Variants in PEX5L observed in about 807,000 individuals in gnomAD.
PEX5L encodes PEX5-related protein.
Under a neutral mutation model 84.0 loss-of-function variants are expected in PEX5L, and 30 were observed. The ratio of observed to expected loss-of-function variants is 0.36; its 90% confidence interval spans 0.27 to 0.48. PEX5L has a LOEUF of 0.48. PEX5L is among the 20% of genes least tolerant of loss of function. The pLI is 0.99. For synonymous variants in PEX5L, 270 were observed against 283.1 expected, an observed-to-expected ratio of 0.95 and a Z score of 0.46; for missense variants, 533 against 754.6, an observed-to-expected ratio of 0.71 and a Z score of 3.44.
rs773287592 is a variant in PEX5L, at chr3:179,898,211, G to C, written c.129C>G (p.Ala43=). Residue 43 remains alanine, a synonymous_variant, in exon 3 of 15, where the codon GCC becomes GCG. Transcript: ENST00000467460. ...KGSRAADKAV[A]MVMKEIPREE... is the part of the protein sequence containing the mutation. ...CCCTCGGTATCTCCTTCATCACCATGGCAACAGCCTTATCTGCCGCCCTAG... is the reference window on the plus strand; with the variant it reads ...CCCTCGGTATCTCCTTCATCACCATCGCAACAGCCTTATCTGCCGCCCTAG... The C allele has an allele frequency of 6.2e-7, 1 of 1,613,374 alleles. No homozygotes were observed. The highest frequency in any genetic ancestry group is 1.1e-5 in the South Asian group (1 of 91,058).
intron 8 of PEX5L, among the ~76,000 whole-genome samples, chr3:179,828,895 TCTG>T (rs1643948152): frequency 6.6e-6 from 1 of 152,176 alleles, no homozygotes; most frequent in South Asian, 2.1e-4. Flanking sequence ...CATCCTCACA[TCTG>T]CTGTGTGAAT....
At chr3:179,834,306 C>A (rs1366448715) in intron 8 of PEX5L, among the ~76,000 whole-genome samples, 2 of 152,234 alleles carry the variant, frequency 1.3e-5, no homozygotes, top group African/African-American at 4.8e-5. Context: ...TGAATTCCAC[C>A]CAGGTGCCTT....
In PEX5L at chr3:179,879,947, T is replaced by C; in HGVS notation, c.487A>G (p.Thr163Ala). 1 of 1,591,274 alleles carries C rather than the reference T, an allele frequency of 6.3e-7. No individual in the cohort carries two copies. The highest frequency in any genetic ancestry group is 2.2e-5 in the East Asian group (1 of 44,584). Residue 163 changes from threonine (T) to alanine (A), a missense_variant, in exon 5 of 15, where the codon ACT (threonine) becomes GCT (alanine). Physicochemically the swap from Thr to Ala is moderately conservative, Grantham distance 58 (BLOSUM62 0). This residue lies in a region of PEX5L where 259 missense variants were observed against 301.7 expected (regional missense o/e 0.86). Coordinates refer to ENST00000467460, the MANE Select transcript of PEX5L (RefSeq NM_016559.3). ...QRGQPLRVPETSSLDLDIQTQ... is the reference protein window; with the variant it reads ...QRGQPLRVPEASSLDLDIQTQ... ...GCCTTACCTAGATCTAAGGATGAAG[T>C]CTCCGGGACTCTGAGAGGCTGGCCT...
chr3:179,826,711 G>C (rs1175993384), intron 8 of PEX5L, among the ~76,000 whole-genome samples: 2 of 152,172 alleles, frequency 1.3e-5, no homozygotes, highest in Non-Finnish European at 2.9e-5. Context: ...AGGAGTGGGA[G>C]TCAGTTCCTG....
chr3:179,930,346 C>G (rs2109593569), intron 2 of PEX5L, among the ~76,000 whole-genome samples: 1 of 152,304 alleles, frequency 6.6e-6, no homozygotes, highest in East Asian at 1.9e-4. Flanking sequence ...AGTAGCTGCA[C>G]TCCTGTTATA....
intron 1 of PEX5L, among the ~76,000 whole-genome samples, chr3:179,993,666 A>AT (rs995847383): frequency 2.0e-5 from 3 of 151,308 alleles, no homozygotes; most frequent in Non-Finnish European, 2.9e-5. Context: ...CACCCGGCTA[A>AT]TTTTTTTTGT....
At chr3:179,887,969 A>T in intron 3 of PEX5L, 185 bp from the exon 4 acceptor site, 1 of 669,672 alleles carries the variant, frequency 1.5e-6, no homozygotes, top group Non-Finnish European at 2.6e-6. Context: ...GCCTTTTAGC[A>T]CTGTCAACAT....
At chr3:179,965,136 G>C (rs1486506478) in intron 2 of PEX5L, among the ~76,000 whole-genome samples, 1 of 152,216 alleles carries the variant, frequency 6.6e-6, no homozygotes, top group Non-Finnish European at 1.5e-5. Context: ...AAATGTGCTA[G>C]ACTAGAGTAT....
At chr3:179,815,129 T>G (rs879675804) in intron 10 of PEX5L, among the ~76,000 whole-genome samples, 1 of 152,258 alleles carries the variant, frequency 6.6e-6, no homozygotes, top group Non-Finnish European at 1.5e-5. Flanking sequence ...TGATATGTTT[T>G]CTCAGCTTTT....
chr3:180,007,340 AC>A (rs1300455225), intron 1 of PEX5L, among the ~76,000 whole-genome samples: 3 of 152,186 alleles, frequency 2.0e-5, no homozygotes, highest in Non-Finnish European at 4.4e-5. Context: ...GGGCAGCTCC[AC>A]CCCTGTGGCT....
chr3:180,006,743 C>T (rs192112193), intron 1 of PEX5L, among the ~76,000 whole-genome samples: 13 of 152,256 alleles, frequency 8.5e-5, no homozygotes, highest in East Asian at 1.9e-4. Flanking sequence ...GAAGCAAAAG[C>T]GGAAACCCCT....
chr3:179,811,514 A>G (rs1723857886), intron 11 of PEX5L, among the ~76,000 whole-genome samples: 1 of 152,200 alleles, frequency 6.6e-6, no homozygotes, highest in Non-Finnish European at 1.5e-5. Flanking sequence ...AAACGTTAAA[A>G]GGAACTATTT....
chr3:179,988,291 C>T (rs112877460), intron 1 of PEX5L, among the ~76,000 whole-genome samples: 83 of 151,968 alleles, frequency 5.5e-4, no homozygotes, highest in African/African-American at 1.7e-3. Flanking sequence ...ATCCCAGCTA[C>T]TCGGGAGGCT....
intron 3 of PEX5L, among the ~76,000 whole-genome samples, chr3:179,894,289 G>A (rs953726606): frequency 2.0e-5 from 3 of 151,990 alleles, no homozygotes; most frequent in African/African-American, 4.8e-5. Flanking sequence ...CCATGCAACC[G>A]CTAAAAATCC....
chr3:179,975,566 T>C (rs1369929297), intron 1 of PEX5L, among the ~76,000 whole-genome samples: 3 of 152,186 alleles, frequency 2.0e-5, no homozygotes, highest in Non-Finnish European at 4.4e-5. Context: ...ATAATTCAAA[T>C]TTTTAAAAAT....
At chr3:179,828,230 C>A (rs559070466) in intron 8 of PEX5L, among the ~76,000 whole-genome samples, 1 of 152,244 alleles carries the variant, frequency 6.6e-6, no homozygotes, top group African/African-American at 2.4e-5. Context: ...CTGAGGTCTT[C>A]CTCCCCCTGG....
At chr3:179,991,907 C>CA (rs990107628) in intron 1 of PEX5L, among the ~76,000 whole-genome samples, 17 of 152,150 alleles carry the variant, frequency 1.1e-4, no homozygotes, top group Admixed American at 6.5e-4. Context: ...TTATTTGATA[C>CA]AAAAAAATCA....
At chr3:179,806,131 A>G (rs181845127) in intron 14 of PEX5L, among the ~76,000 whole-genome samples, 39 of 152,044 alleles carry the variant, frequency 2.6e-4, no homozygotes, top group Non-Finnish European at 5.3e-4. Flanking sequence ...GTTCTAAAAA[A>G]AAAGGAATCT....
At chr3:179,999,395 G>C (rs1788186563) in intron 1 of PEX5L, among the ~76,000 whole-genome samples, 1 of 152,114 alleles carries the variant, frequency 6.6e-6, no homozygotes, top group African/African-American at 2.4e-5. Flanking sequence ...GAACAAAGTG[G>C]ACATAATGGC....
Sources: gnomAD v4.1 joint callset for allele counts (sites outside exome capture counted in the v4.1 genomes callset) on GRCh38, gnomAD v4.1.1 for gene constraint, gnomAD v4.1.1 regional missense constraint, MANE v1.5 for transcripts, NCBI Gene and HGNC (gene_info 2026-07-23, HGNC 2026-07-21) for gene names.